Variants in PRRC2B observed in about 807,000 individuals in gnomAD.
The protein encoded by PRRC2B is protein PRRC2B.
In PRRC2B, 68 loss-of-function variants were observed where a neutral mutation model predicts 242.3. The ratio of observed to expected loss-of-function variants is 0.28; its 90% confidence interval spans 0.23 to 0.34. The LOEUF (loss-of-function observed/expected upper bound fraction) is 0.34. Among genes scored for constraint, PRRC2B ranks in the 10% least tolerant of loss-of-function variants. The pLI is 1.00. For synonymous variants in PRRC2B, 1,228 were observed against 1,173.6 expected (o/e 1.05, Z -0.95); for missense variants, 2,835 against 2,954.8 (o/e 0.96, Z 0.94).
At position 131,498,991 on chromosome 9, in the gene PRRC2B, C is replaced by T. The variant is rs2131499687; in HGVS notation, c.*3117C>T. The T allele has an allele frequency of 6.6e-6, 1 of 151,964 alleles. No homozygotes were observed. The highest frequency in any genetic ancestry group is 2.4e-5 in the African/African-American group (1 of 41,404). 9.4% of individuals were successfully genotyped at this position (151,964 alleles called of 1,614,324 possible). A position where few individuals can be genotyped will look rare whatever the true frequency, so the allele number is the denominator to read the frequency against. ...ACAGCGTTTTTTGTTTTTTTTTAAA[C>T]ATTCATATTGTTTTCAAACTTGGAA... is the stretch of plus-strand genomic sequence containing the variant. On this transcript the variant is annotated 3_prime_UTR_variant, in exon 32 of 32. Coordinates refer to ENST00000683519, the MANE Select transcript of PRRC2B (RefSeq NM_013318.4).
At chr9:131,495,616 G>T in intron 31 of PRRC2B, 124 bp from the exon 32 acceptor site, 1 of 1,119,436 alleles carries the variant, frequency 8.9e-7, no homozygotes. Context: ...CTTCAACCAA[G>T]GGACTGACAA....
intron 1 of PRRC2B, among the ~76,000 whole-genome samples, chr9:131,419,662 T>G (rs549029418): frequency 2.6e-5 from 4 of 152,162 alleles, no homozygotes; most frequent in African/African-American, 4.8e-5. Context: ...GTTCTCTTGT[T>G]TATTCCTTAC....
chr9:131,406,621 C>T (rs557423510), intron 1 of PRRC2B, among the ~76,000 whole-genome samples: 5 of 152,228 alleles, frequency 3.3e-5, no homozygotes, highest in African/African-American at 1.2e-4. Context: ...TTATCTGCCC[C>T]AAATGGATAC....
intron 1 of PRRC2B, among the ~76,000 whole-genome samples, chr9:131,420,477 C>CTTTCTTTCTTTCTTTCTTTCTTTCT (rs1837788851): frequency 6.9e-5 from 1 of 14,510 alleles, no homozygotes; most frequent in Non-Finnish European, 2.1e-4. Flanking sequence ...TTCTTTCTTT[C>CTTTCTTTCTTTCTTTCTTTCTTTCT]TTTCTTTCTT....
chr9:131,491,319 C>T, intron 28 of PRRC2B, 106 bp from the exon 29 acceptor site: 2 of 1,147,722 alleles, frequency 1.7e-6, no homozygotes, highest in Non-Finnish European at 2.4e-6. Context: ...TGCTTTAGTT[C>T]TTCTGAAGTG....
chr9:131,479,733 A>T (rs905024042), intron 19 of PRRC2B, among the ~76,000 whole-genome samples: 6 of 152,142 alleles, frequency 3.9e-5, no homozygotes, highest in African/African-American at 1.4e-4. Context: ...CCACTAACTT[A>T]TGGAAGAGAA....
Position 131,485,074 on chromosome 9 carries a change from T to A in PRRC2B, c.5692T>A (p.Ser1898Thr). Residue 1898 changes from serine (S) to threonine (T), a missense_variant, in exon 25 of 32, where the codon TCC becomes ACC. Transcript: ENST00000683519. ...TGCCTCCAGCGGGGTCAACTACAGC[T>A]CCTTCGGTGGAGTGTCCATGCCACC... ...VGASSGVNYS[S>T]FGGVSMPPMP... is the part of the protein sequence containing the mutation. 6.2e-7 allele frequency: 1 copy of A among 1,607,054 alleles called. No individual in the cohort carries two copies. Among genetic ancestry groups the A allele is most frequent in the African/African-American group, 1.3e-5 (1 of 74,880 alleles).
chr9:131,440,419 A>G (rs1188497471), intron 5 of PRRC2B, among the ~76,000 whole-genome samples: 1 of 151,908 alleles, frequency 6.6e-6, no homozygotes, highest in Non-Finnish European at 1.5e-5. Flanking sequence ...TTAAAAATAG[A>G]TAGAATATAT....
chr9:131,483,459 T>TA lies in PRRC2B; in HGVS notation c.5460+14_5460+15insA, dbSNP rs1943930499. On this transcript the variant is annotated intron_variant, in intron 23 of 31. Transcript: ENST00000683519. The stretch of plus-strand genomic sequence containing the variant: ...TTGGCCAGTAATGTAAGTCCACACT[T>TA]CCACTTTTGGCTCCACTCACTGCTT... 6.2e-7 allele frequency: 1 copy of TA among 1,611,810 alleles called. No homozygotes were observed. Among genetic ancestry groups the TA allele is most frequent in the Non-Finnish European group, 8.5e-7 (1 of 1,178,300 alleles).
Position 131,481,726 on chromosome 9 carries a change from C to A in PRRC2B, c.4901C>A (p.Ala1634Asp). Reference sequence around the variant, plus strand: ...TGACTCTGTCTTCCTCCCCTGGCAGCTCTCCCTGTGCAGGCCCCAGCCAAC... The same window carrying A: ...TGACTCTGTCTTCCTCCCCTGGCAGATCTCCCTGTGCAGGCCCCAGCCAAC... ...GTEIWESSSQ[A>D]LPVQAPANDS... Residue 1634 changes from alanine to aspartate, a missense_variant and splice_region_variant, in exon 20 of 32, where the codon GCT (alanine) becomes GAT (aspartate). Transcript: ENST00000683519. The A allele has an allele frequency of 6.4e-7, 1 of 1,559,954 alleles. No individual in the cohort carries two copies. The highest frequency in any genetic ancestry group is 1.9e-5 in the Admixed American group (1 of 52,294).
Position 131,482,727 on chromosome 9 carries a change from T to C in PRRC2B, c.5193T>C (p.Ser1731=). ...PSEQKDSEQG[S]GQSKEHRPGP... ...TTATCAAGGATTCAGAACAAGGCTC[T>C]GGACAGAGCAAGGAGCACAGACCAG... The change falls in exon 22 of 32, where the codon TCT becomes TCC. Residue 1731 remains serine (S), a synonymous_variant. Transcript: ENST00000683519. The surrounding 1 kb of genome is among the most constrained non-coding windows in gnomAD (Gnocchi z 5.2). 2 of 1,598,322 alleles carry C rather than the reference T, an allele frequency of 1.3e-6. No homozygotes were observed. Among genetic ancestry groups the C allele is most frequent in the Non-Finnish European group, 1.7e-6 (2 of 1,173,332 alleles).
chr9:131,432,294 C>G (rs1368288488), intron 2 of PRRC2B, among the ~76,000 whole-genome samples: 3 of 152,116 alleles, frequency 2.0e-5, no homozygotes, highest in African/African-American at 7.2e-5. Context: ...AGAGGTGGTT[C>G]CTCTGTAAGC....
rs1943981971 is a variant in PRRC2B, at chr9:131,485,121, A to G, written c.5739A>G (p.Ala1913=). 1 of 1,592,020 alleles carries G rather than the reference A, an allele frequency of 6.3e-7. No homozygotes were observed. Among genetic ancestry groups the G allele is most frequent in the East Asian group, 2.3e-5 (1 of 43,916 alleles). ...CACCCATGCCTGTGGCCTCTGTAGC[A>G]CCTTCTGCTTCTATGCCAGGTATCT... ...SMPPMPVASV[A]PSASMPGSHL... The change falls in exon 25 of 32, where the codon GCA becomes GCG. Residue 1913 remains alanine, a synonymous_variant. Coordinates refer to ENST00000683519, the MANE Select transcript of PRRC2B (RefSeq NM_013318.4).
At chr9:131,388,965 C>G (rs1473411416) in intron 1 of PRRC2B, among the ~76,000 whole-genome samples, 1 of 149,206 alleles carries the variant, frequency 6.7e-6, no homozygotes, top group Non-Finnish European at 1.5e-5. Flanking sequence ...CTCGTCCTTC[C>G]AAGTAGCTGG....
chr9:131,463,571 A>G (rs1943303649), intron 11 of PRRC2B, among the ~76,000 whole-genome samples: 1 of 151,558 alleles, frequency 6.6e-6, no homozygotes, highest in African/African-American at 2.4e-5. Flanking sequence ...GTAACTGGCA[A>G]CCAGCAAGAA....
intron 8 of PRRC2B, 39 bp downstream of exon 8, chr9:131,447,245 G>T: frequency 1.2e-6 from 2 of 1,610,218 alleles, no homozygotes. Flanking sequence ...GTAGAGATGA[G>T]TGCGGTGGTG....
At chr9:131,443,861 G>C (rs1838695580) in intron 5 of PRRC2B, among the ~76,000 whole-genome samples, 1 of 152,226 alleles carries the variant, frequency 6.6e-6, no homozygotes. Flanking sequence ...GGCTGTGCTT[G>C]TCTGTGGCCC....
At chr9:131,397,510 A>G (rs1464050305) in intron 1 of PRRC2B, among the ~76,000 whole-genome samples, 2 of 144,324 alleles carry the variant, frequency 1.4e-5, no homozygotes, top group Non-Finnish European at 3.0e-5. Flanking sequence ...ACCTCTTTTG[A>G]ATTTCAGTTC....
At chr9:131,452,270 C>T (rs549592837) in intron 9 of PRRC2B, among the ~76,000 whole-genome samples, 2 of 152,312 alleles carry the variant, frequency 1.3e-5, no homozygotes, top group Admixed American at 6.5e-5. Flanking sequence ...CCTGCCTCAC[C>T]TTCTGAGTGG....
Sources: allele counts gnomAD v4.1 joint callset (sites outside exome capture counted in the v4.1 genomes callset), GRCh38; gene constraint gnomAD v4.1.1; non-coding constraint Gnocchi (gnomAD v3.1); transcripts MANE v1.5; gene names NCBI Gene and HGNC (gene_info 2026-07-23, HGNC 2026-07-21).